RAB3GAP2: variants seen among roughly 807,000 people sequenced by gnomAD.
RAB3GAP2 encodes RAB3 GTPase activating non-catalytic protein subunit 2, also known as rab3 GTPase-activating protein non-catalytic subunit.
A neutral mutation model predicts 185.3 loss-of-function variants in RAB3GAP2; 87 were observed. The observed-to-expected ratio is 0.47, with a 90% CI of 0.39 to 0.56. The LOEUF is 0.56. Ranked by LOEUF, RAB3GAP2 falls within the 20% of genes least tolerant of loss-of-function variation. The probability of loss-of-function intolerance (pLI) is 0.00; values close to 1 mark genes in which losing one functional copy is unlikely to be tolerated. For missense variants in RAB3GAP2, 1,492 were observed against 1,638.2 expected (o/e 0.91, Z 1.54); for synonymous variants, 554 against 576.1 (o/e 0.96, Z 0.55).
At chr1:220,185,551 A>G (rs1658492088) in intron 18 of RAB3GAP2, 100 bp downstream of exon 18, 1 of 817,396 alleles carries the variant, frequency 1.2e-6, no homozygotes, top group East Asian at 2.6e-5. Context: ...CTTCCACATT[A>G]AAGTAACATG....
At chr1:220,261,937 G>A (rs895426725) in intron 1 of RAB3GAP2, among the ~76,000 whole-genome samples, 1 of 151,774 alleles carries the variant, frequency 6.6e-6, no homozygotes, top group Non-Finnish European at 1.5e-5. Flanking sequence ...GCTTTGTCGC[G>A]TTTTTAAATA....
In RAB3GAP2 at chr1:220,249,340, C is replaced by G. The variant is rs1659887655; in HGVS notation, c.116-16477G>C. On this transcript the variant is annotated intron_variant, in intron 1 of 34. Transcript: ENST00000358951. ...GGTGTTCTCGGAAGGAGATGACAAA[C>G]TTCTTGGGAACTGGAGAAAAGGTCA... Among the ~76,000 whole-genome samples the G allele has an allele frequency of 2.0e-5, 3 of 152,238 alleles. No individual in the cohort carries two copies. The South Asian group carries it at 6.2e-4, about 32-fold the overall frequency.
intron 13 of RAB3GAP2, among the ~76,000 whole-genome samples, chr1:220,192,869 T>G (rs993580614): frequency 6.6e-6 from 1 of 152,232 alleles, no homozygotes; most frequent in African/African-American, 2.4e-5. Flanking sequence ...AGATGGGTTT[T>G]GCTATCTTAA....
intron 10 of RAB3GAP2, chr1:220,196,046 T>C: frequency 1.7e-6 from 1 of 600,916 alleles, no homozygotes; most frequent in Non-Finnish European, 2.9e-6. Context: ...AACAAAGAAT[T>C]TCCTTTTATA....
At chr1:220,238,901 C>T (rs766681245) in intron 1 of RAB3GAP2, among the ~76,000 whole-genome samples, 1 of 152,180 alleles carries the variant, frequency 6.6e-6, no homozygotes, top group African/African-American at 2.4e-5. Flanking sequence ...GTCTACACAA[C>T]TATTAGGCTC....
At chr1:220,176,431 T>C (rs1197218905) in intron 21 of RAB3GAP2, among the ~76,000 whole-genome samples, 2 of 152,166 alleles carry the variant, frequency 1.3e-5, no homozygotes, top group Non-Finnish European at 2.9e-5. Context: ...ACTTCCAGAT[T>C]GAAGCCCAGA....
At position 220,164,775 on chromosome 1, in the gene RAB3GAP2, T is replaced by C. The variant is rs144779240; in HGVS notation, c.3112A>G (p.Ile1038Val). 355 of 1,609,238 alleles carry C rather than the reference T, an allele frequency of 2.2e-4. No homozygotes were observed. Among genetic ancestry groups the C allele is most frequent in the Middle Eastern group, 1.0e-3 (6 of 6,028 alleles). The part of the protein sequence containing the change: ...PEEARFFVRS[I>V]EHLKQIFNAH... ...TTAAATATTTGCTTCAAGTGTTCTA[T>C]TGACCTAACAAAAAAACGTGCTTCC... The change falls in exon 27 of 35, where the codon ATA (isoleucine) becomes GTA (valine). Residue 1038 changes from isoleucine to valine, a missense_variant. Ile to Val is a conservative substitution (Grantham distance 29, BLOSUM62 3). Transcript: ENST00000358951.
intron 2 of RAB3GAP2, among the ~76,000 whole-genome samples, chr1:220,231,628 T>C (rs1376707728): frequency 6.6e-6 from 1 of 152,202 alleles, no homozygotes; most frequent in Non-Finnish European, 1.5e-5. Flanking sequence ...CAGGGAATAA[T>C]ATGATTCAAC....
chr1:220,210,284 G>T, intron 7 of RAB3GAP2, 104 bp downstream of exon 7: 1 of 853,020 alleles, frequency 1.2e-6, no homozygotes. Context: ...AACTAACTGT[G>T]CCACAAGACA....
chr1:220,152,806 T>G (rs1158641673), intron 33 of RAB3GAP2, among the ~76,000 whole-genome samples: 1 of 152,214 alleles, frequency 6.6e-6, no homozygotes, highest in Non-Finnish European at 1.5e-5. Context: ...ATCTGCCACC[T>G]GAGCCTTCCA....
intron 1 of RAB3GAP2, among the ~76,000 whole-genome samples, chr1:220,233,893 G>C (rs1659546069): frequency 6.6e-6 from 1 of 151,898 alleles, no homozygotes; most frequent in Non-Finnish European, 1.5e-5. Context: ...TAGAGACAGG[G>C]TTTCACCATA....
intron 1 of RAB3GAP2, among the ~76,000 whole-genome samples, chr1:220,258,094 A>T (rs1389981529): frequency 6.6e-6 from 1 of 152,180 alleles, no homozygotes; most frequent in Non-Finnish European, 1.5e-5. Context: ...AATTGTAATA[A>T]ATACCCTACC....
chr1:220,268,615 T>C (rs559144856), intron 1 of RAB3GAP2, among the ~76,000 whole-genome samples: 1 of 152,326 alleles, frequency 6.6e-6, no homozygotes, highest in South Asian at 2.1e-4. Flanking sequence ...AGATCATCTG[T>C]ACAGGTTTTA....
At position 220,193,330 on chromosome 1, in the gene RAB3GAP2, G is replaced by A; in HGVS notation, c.1180C>T (p.Pro394Ser). 3 of 1,613,958 alleles carry A rather than the reference G, an allele frequency of 1.9e-6. No homozygotes were observed. Among genetic ancestry groups the A allele is most frequent in the Non-Finnish European group, 2.5e-6 (3 of 1,179,952 alleles). ...RRHGESICLSPCNTLAAVTDD... is the reference protein window; with the variant it reads ...RRHGESICLSSCNTLAAVTDD... Reference sequence around the variant, plus strand: ...GTTACTGCTGCCAGTGTGTTACATGGAGACAGACATATGCTTTCACCATGG... The same window carrying A: ...GTTACTGCTGCCAGTGTGTTACATGAAGACAGACATATGCTTTCACCATGG... Residue 394 changes from proline to serine, a missense_variant, in exon 13 of 35, where the codon CCA becomes TCA. By Grantham distance (74) the Pro-to-Ser change is moderately conservative. Coordinates refer to ENST00000358951, the MANE Select transcript of RAB3GAP2 (RefSeq NM_012414.4).
Position 220,170,958 on chromosome 1 carries a change from C to G in RAB3GAP2, c.2740G>C (p.Val914Leu), listed in dbSNP as rs1223400237. 2 of 1,614,140 alleles carry G rather than the reference C, an allele frequency of 1.2e-6. No homozygotes were observed. The highest frequency in any genetic ancestry group is 2.7e-5 in the African/African-American group (2 of 75,044). Residue 914 changes from valine to leucine, a missense_variant, in exon 24 of 35, where the codon GTG becomes CTG. Around this residue, in one of 5 missense-constraint regions of RAB3GAP2, gnomAD observed 681 missense variants for 689.1 expected, o/e 0.99. Transcript: ENST00000358951. ...AGTGGCTCAGCCTGCAGTGATGACA[C>G]TTTGGAGGTCTGAGTGTTCCCTTTG... ...HSKGNTQTSKVSSLQAEPLPR... is the reference protein window; with the variant it reads ...HSKGNTQTSKLSSLQAEPLPR...
rs759567010 is a variant in RAB3GAP2 at position 220,211,036 on chromosome 1, C to G, written c.387-34G>C. On this transcript the variant is annotated intron_variant, in intron 4 of 34. Coordinates refer to ENST00000358951, the MANE Select transcript of RAB3GAP2 (RefSeq NM_012414.4). ...AAAAACAAAATCATATGCTTACCCACTGAACTTACCAATTACTTTTATTTC... is the reference window on the plus strand; with the variant it reads ...AAAAACAAAATCATATGCTTACCCAGTGAACTTACCAATTACTTTTATTTC... The G allele has an allele frequency of 4.4e-6, 7 of 1,587,772 alleles. No individual in the cohort carries two copies. In the South Asian group the frequency reaches 5.5e-5, roughly 13 times the overall value.
At chr1:220,252,376 A>C (rs1324334233) in intron 1 of RAB3GAP2, among the ~76,000 whole-genome samples, 3 of 152,200 alleles carry the variant, frequency 2.0e-5, no homozygotes, top group Non-Finnish European at 4.4e-5. Flanking sequence ...CTGAGCACAG[A>C]AAGTCTGAAA....
chr1:220,179,094 T>C (rs1287482744), intron 21 of RAB3GAP2, among the ~76,000 whole-genome samples: 1 of 151,892 alleles, frequency 6.6e-6, no homozygotes, highest in Non-Finnish European at 1.5e-5. Flanking sequence ...GCTGTACCTA[T>C]ATCAGACAGA....
intron 4 of RAB3GAP2, among the ~76,000 whole-genome samples, chr1:220,212,643 G>C (rs550364747): frequency 6.6e-6 from 1 of 151,938 alleles, no homozygotes; most frequent in African/African-American, 2.4e-5. Flanking sequence ...ACAGGTGTGC[G>C]CATCACATCC....
Sources: gnomAD v4.1 joint callset for allele counts (sites outside exome capture counted in the v4.1 genomes callset) on GRCh38, gnomAD v4.1.1 for gene constraint, gnomAD v4.1.1 regional missense constraint, MANE v1.5 for transcripts, NCBI Gene and HGNC (gene_info 2026-07-23, HGNC 2026-07-21) for gene names.